Variants in MX2 observed in about 807,000 individuals in gnomAD.
MX2 encodes the protein MX dynamin like GTPase 2.
Under a neutral mutation model 74.0 loss-of-function variants are expected in MX2, and 51 were observed. That is an observed-to-expected ratio of 0.69 (90% CI 0.55 to 0.87). The LOEUF (loss-of-function observed/expected upper bound fraction) is 0.87. MX2 is among the 40% of genes least tolerant of loss of function. The probability of loss-of-function intolerance (pLI) is 0.00; values close to 1 mark genes in which losing one functional copy is unlikely to be tolerated. For synonymous variants in MX2, 369 were observed against 339.3 expected, an observed-to-expected ratio of 1.09 and a Z score of -0.96; for missense variants, 832 against 908.7, an observed-to-expected ratio of 0.92 and a Z score of 1.09.
rs779673978 is a variant in MX2, at chr21:41,394,801, C to T, written c.872-786C>T. Among the ~76,000 whole-genome samples the T allele has an allele frequency of 6.9e-4, 105 of 151,916 alleles. 1 individual carries two copies. Among genetic ancestry groups the T allele is most frequent in the Non-Finnish European group, 2.5e-4 (17 of 68,012 alleles). ...ACTAAAAATACAAAAATTAGCTGGG[C>T]GTGGTAGCACATGCCTGTAGTCCCC... On this transcript the variant is annotated intron_variant, in intron 6 of 13. Transcript: ENST00000330714.
chr21:41,388,499 G>A lies in MX2; in HGVS notation c.733-2066G>A, dbSNP rs1350887427. On this transcript the variant is annotated intron_variant, in intron 5 of 13. Transcript: ENST00000330714. The surrounding 1 kb of genome is among the most constrained non-coding windows in gnomAD (Gnocchi z 4.0). ...CCTGGGCTGCCTTGCCTGACATACTGTTCCCCGTGCCTGGCTCTTTCAATT... is the reference window on the plus strand; with the variant it reads ...CCTGGGCTGCCTTGCCTGACATACTATTCCCCGTGCCTGGCTCTTTCAATT... 2.0e-5 allele frequency among the ~76,000 whole-genome samples: 3 copies of A among 152,280 alleles called. No homozygotes were observed. Among genetic ancestry groups the A allele is most frequent in the East Asian group, 3.9e-4 (2 of 5,182 alleles).
At chr21:41,367,546 A>G (rs556533839) in intron 1 of MX2, among the ~76,000 whole-genome samples, 1 of 152,086 alleles carries the variant, frequency 6.6e-6, no homozygotes, top group African/African-American at 2.4e-5. Context: ...AATAAACCAA[A>G]TCCCTTTTTT....
Position 41,366,167 on chromosome 21 carries a change from C to G in MX2, c.-72+4112C>G, listed in dbSNP as rs1471316035. 3 of 152,254 alleles carry G rather than the reference C, an allele frequency of 2.0e-5. No individual in the cohort carries two copies. Among genetic ancestry groups the G allele is most frequent in the African/African-American group, 4.8e-5 (2 of 41,468 alleles). 9.4% of individuals were successfully genotyped at this position (152,254 alleles called of 1,614,324 possible). A position where few individuals can be genotyped will look rare whatever the true frequency, so the allele number is the denominator to read the frequency against. ...TAATAGTAGGCTGGGTGGTGTCCAA[C>G]AGCTGCCTTCGTGTATCACTGGGAA... On this transcript the variant is annotated intron_variant, in intron 1 of 13. Coordinates refer to ENST00000330714, the MANE Select transcript of MX2 (RefSeq NM_002463.2). The surrounding 1 kb of genome is among the most constrained non-coding windows in gnomAD (Gnocchi z 4.5).
intron 5 of MX2, among the ~76,000 whole-genome samples, chr21:41,384,256 C>T (rs1276403467): frequency 2.0e-5 from 3 of 152,142 alleles, no homozygotes; most frequent in Non-Finnish European, 4.4e-5. Context: ...TACCCAGTCT[C>T]AGGTAGTGTT....
Position 41,366,795 on chromosome 21 carries a change from C to A in MX2, c.-72+4740C>A, listed in dbSNP as rs2089269278. On this transcript the variant is annotated intron_variant, in intron 1 of 13. Transcript: ENST00000330714. This position sits in a 1 kb window ranked among gnomAD's most constrained non-coding sequence, Gnocchi z 4.5. Reference sequence around the variant, plus strand: ...TTCCTAACCTGGTCTGACCCCGGCACCCTGTCCTGTTACACAAGAAACCCG... The same window carrying A: ...TTCCTAACCTGGTCTGACCCCGGCAACCTGTCCTGTTACACAAGAAACCCG... 6.6e-6 allele frequency: 1 copy of A among 152,258 alleles called. No homozygotes were observed. Among genetic ancestry groups the A allele is most frequent in the African/African-American group, 2.4e-5 (1 of 41,416 alleles). The allele number at this position is 152,258 out of a possible 1,614,324, so 9.4% of individuals were successfully genotyped here.
intron 11 of MX2, chr21:41,403,035 A>T: frequency 2.0e-6 from 1 of 492,624 alleles, no homozygotes. Context: ...TAACATGCAC[A>T]CAGGCACGGG....
chr21:41,400,374 C>T (rs1266596051), intron 10 of MX2, among the ~76,000 whole-genome samples: 6 of 152,162 alleles, frequency 3.9e-5, no homozygotes, highest in Admixed American at 3.9e-4. Context: ...ATCCCAATCC[C>T]CCTTCTCTTT....
intron 1 of MX2, among the ~76,000 whole-genome samples, chr21:41,376,532 A>T (rs1025646047): frequency 2.0e-5 from 3 of 151,572 alleles, no homozygotes; most frequent in African/African-American, 7.3e-5. Flanking sequence ...TGGGTGACAG[A>T]GTGAGACCCT....
At chr21:41,391,958 T>G (rs2089666359) in intron 6 of MX2, among the ~76,000 whole-genome samples, 4 of 152,154 alleles carry the variant, frequency 2.6e-5, no homozygotes, top group Admixed American at 2.6e-4. Flanking sequence ...TACCTATTAT[T>G]TATTTTTTCT....
Position 41,366,997 on chromosome 21 carries a change from A to G in MX2, c.-72+4942A>G, listed in dbSNP as rs1162256655. The stretch of plus-strand genomic sequence containing the variant: ...GCCACCATAAACCTGTAACACAAGA[A>G]TGAAACCCAGCAAGAATCAGGGGAC... On this transcript the variant is annotated intron_variant, in intron 1 of 13. Coordinates refer to ENST00000330714, the MANE Select transcript of MX2 (RefSeq NM_002463.2). This position sits in a 1 kb window ranked among gnomAD's most constrained non-coding sequence, Gnocchi z 4.5. 2 of 152,380 alleles carry G rather than the reference A, an allele frequency of 1.3e-5. No homozygotes were observed. Among genetic ancestry groups the G allele is most frequent in the African/African-American group, 2.4e-5 (1 of 41,456 alleles). The allele number at this position is 152,380 out of a possible 1,614,324, so 9.4% of individuals were successfully genotyped here.
Position 41,376,920 on chromosome 21 carries a change from A to G in MX2, c.14A>G (p.His5Arg). 6.2e-7 allele frequency: 1 copy of G among 1,613,986 alleles called. No individual in the cohort carries two copies. Among genetic ancestry groups the G allele is most frequent in the Non-Finnish European group, 8.5e-7 (1 of 1,180,038 alleles). The change falls in exon 2 of 14, where the codon CAC (histidine) becomes CGC (arginine). Residue 5 changes from histidine (H) to arginine (R), a missense_variant. Transcript: ENST00000330714. ...GGGAGACAGCACATGTCTAAGGCCC[A>G]CAAGCCTTGGCCCTACCGGAGGAGA... MSKA[H>R]KPWPYRRRSQ...
intron 12 of MX2, among the ~76,000 whole-genome samples, chr21:41,406,478 G>C (rs2089887737): frequency 6.6e-6 from 1 of 152,218 alleles, no homozygotes; most frequent in Non-Finnish European, 1.5e-5. Context: ...CAGAAAGCTG[G>C]TGGTGTAGGA....
chr21:41,400,930 C>G (rs1357149787), intron 10 of MX2: 2 of 152,292 alleles, frequency 1.3e-5, no homozygotes, highest in Non-Finnish European at 2.9e-5. Flanking sequence ...TGGTCTCGAA[C>G]TCCTGACCTC....
intron 1 of MX2, among the ~76,000 whole-genome samples, chr21:41,374,518 C>T (rs1302141182): frequency 6.6e-6 from 1 of 152,236 alleles, no homozygotes; most frequent in East Asian, 1.9e-4. Flanking sequence ...GACTGGGCTC[C>T]ATCCTACGTG....
rs1568933957 is a variant in MX2, at chr21:41,376,390, A to AC, written c.-71-446_-71-445insC. On this transcript the variant is annotated intron_variant, in intron 1 of 13. Transcript: ENST00000330714. ...TCTCTATAAAAAATACACACACACAAAAAAAACTAGCTGGGCATGGTGGTG... is the reference window on the plus strand; with the variant it reads ...TCTCTATAAAAAATACACACACACAACAAAAAACTAGCTGGGCATGGTGGTG... Among the ~76,000 whole-genome samples the AC allele has an allele frequency of 6.5e-4, 99 of 151,720 alleles. 2 individuals are homozygous for AC. The highest frequency in any genetic ancestry group is 6.8e-4 in the Non-Finnish European group (46 of 67,912).
intron 7 of MX2, among the ~76,000 whole-genome samples, chr21:41,397,044 G>C (rs542790418): frequency 4.5e-4 from 69 of 152,252 alleles, no homozygotes; most frequent in African/African-American, 1.6e-3. Context: ...GCTGGGAGCC[G>C]TCCCTTGCAG....
chr21:41,395,558 T>C (rs761786911), intron 6 of MX2, 29 bp from the exon 7 acceptor site: 1 of 1,610,618 alleles, frequency 6.2e-7, no homozygotes, highest in East Asian at 2.2e-5. Flanking sequence ...CACTGACCTT[T>C]CCATTTCCCT....
intron 5 of MX2, among the ~76,000 whole-genome samples, chr21:41,384,157 C>A (rs534799229): frequency 6.6e-6 from 1 of 152,330 alleles, no homozygotes; most frequent in South Asian, 2.1e-4. Flanking sequence ...GGCCCTCCCC[C>A]ATGATTGTAA....
chr21:41,394,094 C>T (rs778533454), intron 6 of MX2, among the ~76,000 whole-genome samples: 13 of 152,198 alleles, frequency 8.5e-5, no homozygotes, highest in Non-Finnish European at 1.3e-4. Context: ...TCCTGCTGTT[C>T]GAGCACTCAC....
Sources: allele counts gnomAD v4.1 joint callset (sites outside exome capture counted in the v4.1 genomes callset), GRCh38; gene constraint gnomAD v4.1.1; non-coding constraint Gnocchi (gnomAD v3.1); transcripts MANE v1.5; gene names NCBI Gene and HGNC (gene_info 2026-07-23, HGNC 2026-07-21).